ARHGAP24: variants seen among roughly 807,000 people sequenced by gnomAD.
ARHGAP24 encodes the protein rho GTPase-activating protein 24.
In ARHGAP24, 50 loss-of-function variants were observed where a neutral mutation model predicts 76.4. The observed-to-expected ratio is 0.65, with a 90% CI of 0.52 to 0.83. ARHGAP24 has a LOEUF of 0.83. ARHGAP24 is among the 40% of genes least tolerant of loss of function. The pLI is 0.00. For synonymous variants in ARHGAP24, 345 were observed against 323.3 expected (o/e 1.07, Z -0.72); for missense variants, 930 against 914.2 (o/e 1.02, Z -0.22).
chr4:85,598,519 T>C (rs371410738), intron 2 of ARHGAP24, among the ~76,000 whole-genome samples: 2 of 152,068 alleles, frequency 1.3e-5, no homozygotes, highest in African/African-American at 4.8e-5. Context: ...TACTCTTTCT[T>C]AGTAGCTGAT....
At chr4:85,789,777 C>G (rs1055536373) in intron 3 of ARHGAP24, among the ~76,000 whole-genome samples, 2 of 152,146 alleles carry the variant, frequency 1.3e-5, no homozygotes, top group African/African-American at 2.4e-5. Context: ...ATTATGATTG[C>G]CTTCTCCTCG....
intron 2 of ARHGAP24, among the ~76,000 whole-genome samples, chr4:85,664,303 G>T (rs1171461562): frequency 6.6e-6 from 1 of 151,044 alleles, no homozygotes; most frequent in Admixed American, 6.6e-5. Context: ...TTGCGTAGAG[G>T]TGTTTGTAGT....
At chr4:85,657,946 A>G (rs1445772610) in intron 2 of ARHGAP24, among the ~76,000 whole-genome samples, 1 of 152,046 alleles carries the variant, frequency 6.6e-6, no homozygotes. Flanking sequence ...GTGGAGATGA[A>G]GTTTTGCCAT....
chr4:85,852,855 G>A (rs1560672663), intron 3 of ARHGAP24, among the ~76,000 whole-genome samples: 1 of 152,194 alleles, frequency 6.6e-6, no homozygotes, highest in Non-Finnish European at 1.5e-5. Flanking sequence ...CATCGTCCCA[G>A]AGGGGCATAC....
chr4:85,730,712 A>C (rs1029881854), intron 3 of ARHGAP24, among the ~76,000 whole-genome samples: 6 of 152,108 alleles, frequency 3.9e-5, no homozygotes, highest in Non-Finnish European at 8.8e-5. Flanking sequence ...CCCAGCTTGC[A>C]TTAGTATCTT....
chr4:85,620,332 C>G (rs1017659777), intron 2 of ARHGAP24, among the ~76,000 whole-genome samples: 1 of 151,832 alleles, frequency 6.6e-6, no homozygotes, highest in Admixed American at 6.6e-5. Context: ...TCTCTTTACT[C>G]ATTATTGATC....
chr4:85,991,886 A>T (rs1740351076), intron 8 of ARHGAP24: 1 of 357,612 alleles, frequency 2.8e-6, no homozygotes, highest in Non-Finnish European at 5.0e-6. Flanking sequence ...ATTGCACAGA[A>T]TGCTGTCATC....
intron 1 of ARHGAP24, among the ~76,000 whole-genome samples, chr4:85,519,564 AG>A (rs2110110221): frequency 6.6e-6 from 1 of 152,282 alleles, no homozygotes; most frequent in African/African-American, 2.4e-5. Flanking sequence ...TTGGAGAGAC[AG>A]GCTTTATACA....
At chr4:85,763,248 T>A (rs531012735) in intron 3 of ARHGAP24, among the ~76,000 whole-genome samples, 23 of 152,328 alleles carry the variant, frequency 1.5e-4, no homozygotes, top group African/African-American at 5.1e-4. Flanking sequence ...CCATTTTTTT[T>A]ATATTAGGCA....
chr4:85,759,383 T>C (rs889782636), intron 3 of ARHGAP24, among the ~76,000 whole-genome samples: 2 of 152,064 alleles, frequency 1.3e-5, no homozygotes, highest in South Asian at 4.1e-4. Context: ...ATAGATAGGA[T>C]TTTTACCAGC....
rs551307700 is a variant in ARHGAP24 at position 85,755,807 on chromosome 4, A to AT, written c.268+33840dup. On this transcript the variant is annotated intron_variant, in intron 3 of 9. Transcript: ENST00000395184. The stretch of plus-strand genomic sequence containing the variant: ...GCCACTACGTCTGGCTAATTTTTGT[A>AT]TTTTTAGTAGAGACGGGGTTTCACC... Among the ~76,000 whole-genome samples, 24 of 151,294 alleles carry AT rather than the reference A, an allele frequency of 1.6e-4. No homozygotes were observed. The South Asian group carries it at 4.2e-3, about 26-fold the overall frequency.
At chr4:85,672,750 A>G (rs1722852620) in intron 2 of ARHGAP24, among the ~76,000 whole-genome samples, 1 of 152,172 alleles carries the variant, frequency 6.6e-6, no homozygotes, top group African/African-American at 2.4e-5. Context: ...GACTGGGGAA[A>G]AAACTTTATT....
chr4:85,988,590 G>T (rs1371466023), intron 8 of ARHGAP24, among the ~76,000 whole-genome samples: 2 of 150,636 alleles, frequency 1.3e-5, no homozygotes, highest in East Asian at 3.9e-4. Flanking sequence ...AAGATAAAAT[G>T]GAATGTTATA....
intron 2 of ARHGAP24, among the ~76,000 whole-genome samples, chr4:85,653,584 C>T (rs1722027594): frequency 6.6e-6 from 1 of 152,126 alleles, no homozygotes; most frequent in Admixed American, 6.6e-5. Context: ...AGCGGTTCTC[C>T]TTTCTCAGCC....
intron 1 of ARHGAP24, among the ~76,000 whole-genome samples, chr4:85,477,311 G>A (rs1229591322): frequency 9.9e-5 from 15 of 152,138 alleles, no homozygotes; most frequent in Admixed American, 9.8e-4. Context: ...TTGAGATGAG[G>A]TGGTTTCTCT....
At chr4:85,504,670 T>C (rs1296467362) in intron 1 of ARHGAP24, among the ~76,000 whole-genome samples, 1 of 152,234 alleles carries the variant, frequency 6.6e-6, no homozygotes, top group African/African-American at 2.4e-5. Context: ...TGACTCTTTA[T>C]CCAGTTTGCC....
At chr4:85,536,527 C>T (rs918191346) in intron 1 of ARHGAP24, among the ~76,000 whole-genome samples, 10 of 152,050 alleles carry the variant, frequency 6.6e-5, no homozygotes, top group Non-Finnish European at 8.8e-5. Flanking sequence ...ATCACTCATT[C>T]AAACTCTAAT....
At chr4:85,864,541 T>C (rs1732084305) in intron 3 of ARHGAP24, among the ~76,000 whole-genome samples, 1 of 152,108 alleles carries the variant, frequency 6.6e-6, no homozygotes, top group Admixed American at 6.6e-5. Context: ...GGCAAAGATA[T>C]CTATCTATAC....
At chr4:85,727,060 A>G (rs558589733) in intron 3 of ARHGAP24, among the ~76,000 whole-genome samples, 1 of 152,192 alleles carries the variant, frequency 6.6e-6, no homozygotes, top group Admixed American at 6.5e-5. Context: ...ATAGAATATT[A>G]AAACACAAAA....
Sources: gnomAD v4.1 joint callset for allele counts (sites outside exome capture counted in the v4.1 genomes callset) on GRCh38, gnomAD v4.1.1 for gene constraint, MANE v1.5 for transcripts, NCBI Gene and HGNC (gene_info 2026-07-23, HGNC 2026-07-21) for gene names.